The following SH3PXD2B variants were observed in gnomAD, a reference collection of about 807,000 sequenced individuals.
SH3PXD2B encodes the protein SH3 and PX domains 2B, also known as SH3 and PX domain-containing protein 2B.
A neutral mutation model predicts 73.1 loss-of-function variants in SH3PXD2B; 37 were observed. That is an observed-to-expected ratio of 0.51 (90% confidence interval 0.39 to 0.67). The LOEUF is 0.67. Among genes scored for constraint, SH3PXD2B ranks in the 30% least tolerant of loss-of-function variants. The pLI is 0.00. For missense variants in SH3PXD2B, 1,053 were observed against 1,197.8 expected (o/e 0.88, Z 1.78); for synonymous variants, 457 against 480.5 (o/e 0.95, Z 0.64).
At chr5:172,327,352 G>A (rs1756465476) in intron 12 of SH3PXD2B, among the ~76,000 whole-genome samples, 1 of 152,166 alleles carries the variant, frequency 6.6e-6, no homozygotes, top group South Asian at 2.1e-4. Flanking sequence ...GCATGTCAGA[G>A]CCAGAACTCA....
In SH3PXD2B at chr5:172,350,524, G is replaced by A. The variant is rs1470883147; in HGVS notation, c.851C>T (p.Pro284Leu). The change falls in exon 10 of 13, where the codon CCC becomes CTC. Residue 284 changes from proline (P) to leucine (L), a missense_variant. This residue lies in a region of SH3PXD2B where 466 missense variants were observed against 607.1 expected (regional missense o/e 0.77). Transcript: ENST00000311601. ...YLKKNSGEPL[P>L]PKPGPGSPSH... ...GGGTGAGCCAGGGCCTGGCTTCGGG[G>A]GCAAGGGCTCCCCACTGTTCTTCTT... The A allele has an allele frequency of 1.2e-6, 2 of 1,614,042 alleles. No homozygotes were observed. The highest frequency in any genetic ancestry group is 8.5e-7 in the Non-Finnish European group (1 of 1,179,980).
intron 4 of SH3PXD2B, among the ~76,000 whole-genome samples, chr5:172,394,046 C>T (rs535545157): frequency 2.8e-4 from 42 of 152,144 alleles, no homozygotes; most frequent in East Asian, 2.5e-3. Context: ...CAGGTTCAAG[C>T]GATTCTCCTG....
rs1756773595 is a variant in SH3PXD2B at position 172,338,960 on chromosome 5, T to C, written c.2145A>G (p.Lys715=). 1 of 1,614,184 alleles carries C rather than the reference T, an allele frequency of 6.2e-7. No individual in the cohort carries two copies. ...TCTCTTTTGGGCTGAGACCATCCTG[T>C]TTGCCCGTCCTGTCCTGGGCGCGGC... is the stretch of plus-strand genomic sequence containing the variant. ...GPGRAQDRTG[K]QDGLSPKEIS... Residue 715 remains lysine (K), a synonymous_variant, in exon 13 of 13, where the codon AAA becomes AAG. Coordinates refer to ENST00000311601, the MANE Select transcript of SH3PXD2B (RefSeq NM_001017995.3). The surrounding 1 kb of genome is among the most constrained non-coding windows in gnomAD (Gnocchi z 5.1).
intron 4 of SH3PXD2B, among the ~76,000 whole-genome samples, chr5:172,386,245 T>C (rs1227698780): frequency 6.6e-6 from 1 of 152,336 alleles, no homozygotes; most frequent in Non-Finnish European, 1.5e-5. Flanking sequence ...AGTGAGGAAG[T>C]GGTTGTATGG....
chr5:172,354,841 G>A (rs984233237), intron 8 of SH3PXD2B, among the ~76,000 whole-genome samples: 1 of 152,204 alleles, frequency 6.6e-6, no homozygotes, highest in African/African-American at 2.4e-5. Flanking sequence ...CCCGACCCCT[G>A]AAACTGTGGG....
chr5:172,362,178 G>A, intron 7 of SH3PXD2B, among the ~76,000 whole-genome samples: 1 of 151,428 alleles, frequency 6.6e-6, no homozygotes, highest in South Asian at 2.1e-4. Flanking sequence ...TTTTTATTTT[G>A]TAGATAAGAA....
At chr5:172,408,110 C>T (rs746671875) in intron 2 of SH3PXD2B, among the ~76,000 whole-genome samples, 5 of 152,040 alleles carry the variant, frequency 3.3e-5, no homozygotes, top group Admixed American at 2.6e-4. Context: ...CTGGAATGCA[C>T]GGCCTTGCCC....
rs200899339 is a variant in SH3PXD2B, at chr5:172,338,649, C to T, written c.2456G>A (p.Arg819Gln). The change falls in exon 13 of 13, where the codon CGA becomes CAA. Residue 819 changes from arginine (R) to glutamine (Q), a missense_variant. Arg to Gln is a conservative substitution (Grantham distance 43, BLOSUM62 1). Transcript: ENST00000311601. The surrounding 1 kb of genome is among the most constrained non-coding windows in gnomAD (Gnocchi z 5.1). ...CCATGGCCCCAGGCTGCCTTTGCCT[C>T]GCGTGTCATCCTGGCCCCCCAAAGA... ...SNSLGGQDDT[R>Q]GKGSLGPWGT... The T allele has an allele frequency of 7.3e-5, 118 of 1,614,184 alleles. 1 individual carries two copies. Among genetic ancestry groups the T allele is most frequent in the Middle Eastern group, 4.9e-4 (3 of 6,062 alleles).
rs1479773357 is a variant in SH3PXD2B at position 172,338,597 on chromosome 5, CCT to C, written c.2506_2507del (p.Arg836GlyfsTer26). 1.2e-5 allele frequency: 19 copies of C among 1,614,006 alleles called. No homozygotes were observed. Among genetic ancestry groups the C allele is most frequent in the East Asian group, 2.2e-5 (1 of 44,886 alleles). On this transcript the variant is annotated frameshift_variant, in exon 13 of 13. Coordinates refer to ENST00000311601, the MANE Select transcript of SH3PXD2B (RefSeq NM_001017995.3). LOFTEE classifies it high-confidence loss of function. The surrounding 1 kb of genome is among the most constrained non-coding windows in gnomAD (Gnocchi z 5.1). The part of the protein sequence containing the change: ...PWGTGKIGEN[R>X]EKAAAASVPN... The stretch of plus-strand genomic sequence containing the variant: ...GGACAGAGGCTGCAGCTGCTTTCTC[CCT>C]GTTTTCTCCAATCTTGCCGGTCCCC...
At chr5:172,403,897 G>A (rs1217816800) in intron 3 of SH3PXD2B, among the ~76,000 whole-genome samples, 1 of 152,222 alleles carries the variant, frequency 6.6e-6, no homozygotes, top group Non-Finnish European at 1.5e-5. Flanking sequence ...TTGTGAAGCA[G>A]GGCTCACTGT....
At chr5:172,329,008 C>CAT (rs929655947), downstream of SH3PXD2B, among the ~76,000 whole-genome samples, 14 of 140,080 alleles carry the variant, frequency 1.0e-4, no homozygotes, top group East Asian at 2.0e-4. Flanking sequence ...TAGATACACA[C>CAT]ATATATATAC....
chr5:172,338,956 C>T lies in SH3PXD2B; in HGVS notation c.2149G>A (p.Asp717Asn). ...GAAATCTCTTTTGGGCTGAGACCAT[C>T]CTGTTTGCCCGTCCTGTCCTGGGCG... ...GRAQDRTGKQ[D>N]GLSPKEISCR... Residue 717 changes from aspartate (D) to asparagine (N), a missense_variant, in exon 13 of 13, where the codon GAT (aspartate) becomes AAT (asparagine). Around this residue, in one of 2 missense-constraint regions of SH3PXD2B, gnomAD observed 587 missense variants for 590.7 expected, o/e 0.99. Coordinates refer to ENST00000311601, the MANE Select transcript of SH3PXD2B (RefSeq NM_001017995.3). The surrounding 1 kb of genome is among the most constrained non-coding windows in gnomAD (Gnocchi z 5.1). 1.2e-6 allele frequency: 2 copies of T among 1,614,182 alleles called. No individual in the cohort carries two copies. The highest frequency in any genetic ancestry group is 8.5e-7 in the Non-Finnish European group (1 of 1,180,016).
intron 1 of SH3PXD2B, among the ~76,000 whole-genome samples, chr5:172,446,838 G>A (rs1759674158): frequency 6.6e-6 from 1 of 152,240 alleles, no homozygotes; most frequent in Non-Finnish European, 1.5e-5. Flanking sequence ...GCCTGGACTT[G>A]CTGAGCAAGG....
intron 11 of SH3PXD2B, among the ~76,000 whole-genome samples, chr5:172,346,681 C>T (rs1757004908): frequency 6.6e-6 from 1 of 152,018 alleles, no homozygotes; most frequent in African/African-American, 2.4e-5. Context: ...ACAGTGTCTA[C>T]CTGGTGGGGT....
chr5:172,424,274 G>A (rs1424721380), intron 1 of SH3PXD2B, among the ~76,000 whole-genome samples: 1 of 152,198 alleles, frequency 6.6e-6, no homozygotes, highest in African/African-American at 2.4e-5. Flanking sequence ...GTGGGCAGGA[G>A]AGAGATCTCT....
At chr5:172,397,103 G>A (rs1257110270) in intron 3 of SH3PXD2B, among the ~76,000 whole-genome samples, 1 of 152,158 alleles carries the variant, frequency 6.6e-6, no homozygotes, top group Non-Finnish European at 1.5e-5. Flanking sequence ...TTCTCAGCAA[G>A]GAACAGCCCT....
At chr5:172,329,077 A>ATTTTTT (rs1386202364), downstream of SH3PXD2B, among the ~76,000 whole-genome samples, 69 of 63,520 alleles carry the variant, frequency 1.1e-3, no homozygotes, top group African/African-American at 3.8e-3. Flanking sequence ...ATATATATAT[A>ATTTTTT]TATATATTTT....
rs887286571 is a variant in SH3PXD2B, at chr5:172,445,311, C to T, written c.75+8967G>A. Among the ~76,000 whole-genome samples, 4 of 152,234 alleles carry T rather than the reference C, an allele frequency of 2.6e-5. No individual in the cohort carries two copies. The highest frequency in any genetic ancestry group is 2.6e-4 in the Admixed American group (4 of 15,288). ...GCAGCCTCCATCTCCTGGGCTCAAGCGATCTTCCTGCCTCAGCCTCTCAAG... is the reference window on the plus strand; with the variant it reads ...GCAGCCTCCATCTCCTGGGCTCAAGTGATCTTCCTGCCTCAGCCTCTCAAG... On this transcript the variant is annotated intron_variant, in intron 1 of 12. Transcript: ENST00000311601. This position sits in a 1 kb window ranked among gnomAD's most constrained non-coding sequence, Gnocchi z 5.2.
intron 1 of SH3PXD2B, among the ~76,000 whole-genome samples, chr5:172,438,847 A>C (rs1418650431): frequency 6.6e-6 from 1 of 152,166 alleles, no homozygotes; most frequent in Non-Finnish European, 1.5e-5. Context: ...ACACCAAAAA[A>C]CAAAATTTTA....
Sources: allele counts gnomAD v4.1 joint callset (sites outside exome capture counted in the v4.1 genomes callset), GRCh38; gene constraint gnomAD v4.1.1; regional missense constraint gnomAD v4.1.1; non-coding constraint Gnocchi (gnomAD v3.1); transcripts MANE v1.5; gene names NCBI Gene and HGNC (gene_info 2026-07-23, HGNC 2026-07-21).